Variants in ZMAT4 observed in about 807,000 individuals in gnomAD.
ZMAT4 encodes zinc finger matrin-type 4, also known as zinc finger matrin-type protein 4.
A neutral mutation model predicts 28.7 loss-of-function variants in ZMAT4; 17 were observed. The observed-to-expected ratio is 0.59, with a 90% CI of 0.41 to 0.89. ZMAT4 has a LOEUF of 0.89. Ranked by LOEUF, ZMAT4 falls within the 40% of genes least tolerant of loss-of-function variation. The pLI is 0.00. For missense variants in ZMAT4, 240 were observed against 283.8 expected (o/e 0.85, Z 1.11); for synonymous variants, 117 against 109.2 (o/e 1.07, Z -0.44).
At chr8:40,616,007 C>T (rs1405587942) in intron 5 of ZMAT4, among the ~76,000 whole-genome samples, 1 of 152,120 alleles carries the variant, frequency 6.6e-6, no homozygotes, top group Non-Finnish European at 1.5e-5. Flanking sequence ...GGCTAATATC[C>T]AGAATCTACA....
intron 5 of ZMAT4, among the ~76,000 whole-genome samples, chr8:40,639,851 G>C (rs932971911): frequency 6.6e-6 from 1 of 151,638 alleles, no homozygotes; most frequent in Non-Finnish European, 1.5e-5. Flanking sequence ...GAAAGATCTA[G>C]GAGAGAACAC....
chr8:40,777,482 C>T (rs898189285), intron 2 of ZMAT4, among the ~76,000 whole-genome samples: 6 of 152,182 alleles, frequency 3.9e-5, no homozygotes, highest in Non-Finnish European at 7.4e-5. Flanking sequence ...CCCGGGCCTC[C>T]CAGGCAGCCT....
chr8:40,735,393 G>A (rs1303748721), intron 3 of ZMAT4, among the ~76,000 whole-genome samples: 1 of 152,100 alleles, frequency 6.6e-6, no homozygotes, highest in Non-Finnish European at 1.5e-5. Flanking sequence ...TATACGTTTT[G>A]TAAGGATTTC....
chr8:40,687,234 A>G (rs1432840465), intron 4 of ZMAT4, among the ~76,000 whole-genome samples: 1 of 152,196 alleles, frequency 6.6e-6, no homozygotes, highest in African/African-American at 2.4e-5. Flanking sequence ...GACACTTGAG[A>G]CACATAGAAG....
intron 3 of ZMAT4, among the ~76,000 whole-genome samples, chr8:40,762,971 A>G (rs1812999944): frequency 6.6e-6 from 1 of 152,220 alleles, no homozygotes; most frequent in Admixed American, 6.5e-5. Context: ...ACCAATGCTG[A>G]CTGCACACTC....
intron 5 of ZMAT4, among the ~76,000 whole-genome samples, chr8:40,656,795 A>G (rs1051660709): frequency 1.3e-5 from 2 of 152,184 alleles, no homozygotes; most frequent in African/African-American, 2.4e-5. Flanking sequence ...CAAAAGGCAC[A>G]TATTTTACAT....
At chr8:40,642,938 T>C (rs1010966352) in intron 5 of ZMAT4, among the ~76,000 whole-genome samples, 7 of 152,158 alleles carry the variant, frequency 4.6e-5, no homozygotes, top group Non-Finnish European at 8.8e-5. Context: ...AAAAAGGGTA[T>C]GAGGAGGCAA....
At chr8:40,532,659 T>C (rs892402734) in intron 6 of ZMAT4, among the ~76,000 whole-genome samples, 2 of 151,230 alleles carry the variant, frequency 1.3e-5, no homozygotes, top group Admixed American at 1.3e-4. Flanking sequence ...TAAGCCTCGT[T>C]GTCCACTCAT....
At chr8:40,542,288 G>T (rs1198799630) in intron 6 of ZMAT4, among the ~76,000 whole-genome samples, 5 of 152,180 alleles carry the variant, frequency 3.3e-5, no homozygotes, top group Admixed American at 3.3e-4. Flanking sequence ...TCATGTGTGG[G>T]CCACCGAGGG....
intron 5 of ZMAT4, among the ~76,000 whole-genome samples, chr8:40,649,303 C>G (rs1162986407): frequency 6.6e-6 from 1 of 151,934 alleles, no homozygotes; most frequent in Non-Finnish European, 1.5e-5. Flanking sequence ...GACTTTAAAC[C>G]AACAAAGATC....
chr8:40,867,378 T>C lies in ZMAT4; in HGVS notation c.-5+30305A>G, dbSNP rs1261632562. On this transcript the variant is annotated intron_variant, in intron 1 of 6. Transcript: ENST00000297737. ...GGTTGGACAAGCTTGCCGTAGCGTC[T>C]GTTTTCAAAGTGATCCTGGTGAACA... 2.6e-5 allele frequency among the ~76,000 whole-genome samples: 4 copies of C among 152,238 alleles called. No homozygotes were observed. In the South Asian group the frequency reaches 8.3e-4, roughly 32 times the overall value.
chr8:40,568,055 T>A (rs1803978771), intron 6 of ZMAT4, among the ~76,000 whole-genome samples: 2 of 152,068 alleles, frequency 1.3e-5, no homozygotes, highest in African/African-American at 4.8e-5. Context: ...ACGTAGAGAA[T>A]CCCACAGACC....
intron 6 of ZMAT4, among the ~76,000 whole-genome samples, chr8:40,566,168 T>C (rs943041789): frequency 2.6e-5 from 4 of 152,122 alleles, no homozygotes; most frequent in Admixed American, 2.0e-4. Context: ...TGACACACTA[T>C]CTCACTGAAA....
intron 5 of ZMAT4, among the ~76,000 whole-genome samples, chr8:40,604,235 G>C (rs1024037472): frequency 2.0e-5 from 3 of 152,112 alleles, no homozygotes; most frequent in African/African-American, 7.2e-5. Context: ...TCACTGCTCT[G>C]GCTAGGACTT....
intron 5 of ZMAT4, among the ~76,000 whole-genome samples, chr8:40,668,555 T>C (rs1245555653): frequency 6.7e-6 from 1 of 150,278 alleles, no homozygotes; most frequent in East Asian, 2.0e-4. Flanking sequence ...AAAATTGCCC[T>C]ATTCTAGGGA....
At chr8:40,860,870 C>G (rs1311249123) in intron 1 of ZMAT4, among the ~76,000 whole-genome samples, 1 of 152,162 alleles carries the variant, frequency 6.6e-6, no homozygotes, top group Admixed American at 6.5e-5. Flanking sequence ...GCACCTGGCC[C>G]TATGTGAGCC....
chr8:40,638,611 G>A (rs1232092664), intron 5 of ZMAT4, among the ~76,000 whole-genome samples: 1 of 152,210 alleles, frequency 6.6e-6, no homozygotes, highest in Non-Finnish European at 1.5e-5. Flanking sequence ...GTGACTCTGA[G>A]GCTGGAAAAG....
intron 3 of ZMAT4, among the ~76,000 whole-genome samples, chr8:40,701,004 C>A (rs2150498427): frequency 6.6e-6 from 1 of 152,184 alleles, no homozygotes; most frequent in Middle Eastern, 3.4e-3. Context: ...GGATTAGTAA[C>A]TTGTATGACA....
intron 2 of ZMAT4, among the ~76,000 whole-genome samples, chr8:40,781,843 A>G (rs997735893): frequency 7.3e-5 from 11 of 151,322 alleles, no homozygotes; most frequent in African/African-American, 2.7e-4. Context: ...GATTTTTGAC[A>G]ACCATGCCAG....
Sources: gnomAD v4.1 joint callset for allele counts (sites outside exome capture counted in the v4.1 genomes callset) on GRCh38, gnomAD v4.1.1 for gene constraint, MANE v1.5 for transcripts, NCBI Gene and HGNC (gene_info 2026-07-23, HGNC 2026-07-21) for gene names.